PTGER3: variants seen among roughly 807,000 people sequenced by gnomAD.
PTGER3 encodes the protein prostaglandin E receptor 3, also known as prostaglandin E2 receptor EP3 subtype.
Under a neutral mutation model 34.7 loss-of-function variants are expected in PTGER3, and 22 were observed. That is an observed-to-expected ratio of 0.63 (90% CI 0.45 to 0.91). The LOEUF (loss-of-function observed/expected upper bound fraction) is 0.91, where lower values mean the gene tolerates loss of function less well. Among genes scored for constraint, PTGER3 ranks in the 40% least tolerant of loss-of-function variants. The pLI, the probability that PTGER3 is intolerant of heterozygous loss-of-function variation, is 0.00. For synonymous variants in PTGER3, 241 were observed against 230.1 expected (o/e 1.05, Z -0.43); for missense variants, 468 against 519.4 (o/e 0.90, Z 0.96).
At chr1:70,876,069 G>A (rs1206580252) in intron 4 of PTGER3, among the ~76,000 whole-genome samples, 6 of 152,078 alleles carry the variant, frequency 3.9e-5, no homozygotes, top group African/African-American at 9.7e-5. Context: ...GTGTATAAAC[G>A]TTTCCTTTTC....
At chr1:70,886,409 G>A (rs750498624) in intron 4 of PTGER3, 2 of 355,234 alleles carry the variant, frequency 5.6e-6, no homozygotes, top group Non-Finnish European at 1.2e-5. Flanking sequence ...CCAAAACAGG[G>A]ATACAATACC....
intron 4 of PTGER3, among the ~76,000 whole-genome samples, chr1:70,891,441 A>T (rs1019320364): frequency 2.6e-5 from 4 of 151,492 alleles, no homozygotes; most frequent in African/African-American, 7.3e-5. Context: ...AAGGCTCAAC[A>T]CTCCTAGCAC....
intron 3 of PTGER3, chr1:70,953,201 A>T: frequency 4.2e-6 from 3 of 718,586 alleles, no homozygotes; most frequent in Non-Finnish European, 6.1e-6. Context: ...TAAATAATCC[A>T]GAGATTATTT....
chr1:70,970,870 A>G lies in PTGER3; in HGVS notation c.*860T>C, dbSNP rs1653009033. 1 of 962,442 alleles carries G rather than the reference A, an allele frequency of 1.0e-6. No homozygotes were observed. Among genetic ancestry groups the G allele is most frequent in the Non-Finnish European group, 1.2e-6 (1 of 809,118 alleles). 59.6% of individuals were successfully genotyped at this position (962,442 alleles called of 1,614,324 possible). On this transcript the variant is annotated 3_prime_UTR_variant, in exon 4 of 4. Coordinates refer to ENST00000306666, the MANE Select transcript of PTGER3 (RefSeq NM_198719.2). ...AAAACGTAATAAAGTTTGTTATTCA[A>G]CAACTGTTATTTATTAATTTTGCCT...
exon 5 of PTGER3, chr1:70,852,722 G>T: frequency 7.9e-7 from 1 of 1,260,428 alleles, no homozygotes. Flanking sequence ...GGGTGGGCTT[G>T]GGGGAAGAAG....
chr1:70,926,633 C>T (rs1348475596), intron 4 of PTGER3, among the ~76,000 whole-genome samples: 2 of 152,208 alleles, frequency 1.3e-5, no homozygotes, highest in Non-Finnish European at 2.9e-5. Flanking sequence ...CAAACAGGGA[C>T]AATTTGACTT....
chr1:70,971,905 T>C (rs1653125273), intron 3 of PTGER3, among the ~76,000 whole-genome samples, 172 bp from the exon 4 acceptor site: 1 of 152,206 alleles, frequency 6.6e-6, no homozygotes, highest in Non-Finnish European at 1.5e-5. Flanking sequence ...AAAGCAATTG[T>C]AGGCACAATA....
chr1:71,024,459 G>A (rs1022529), intron 1 of PTGER3, among the ~76,000 whole-genome samples: 56,818 of 151,864 alleles, frequency 0.37, 11,542 homozygotes, highest in South Asian at 0.47. Flanking sequence ...ACAAGAGTAG[G>A]GATCAATTCT....
At chr1:71,010,751 A>G (rs1302623647) in intron 2 of PTGER3, 1 of 985,098 alleles carries the variant, frequency 1.0e-6, no homozygotes, top group African/African-American at 1.7e-5. Context: ...TTAATTACAT[A>G]AGCACTCTCA....
At chr1:70,965,022 T>C (rs1652365030) in intron 2 of PTGER3, among the ~76,000 whole-genome samples, 1 of 152,158 alleles carries the variant, frequency 6.6e-6, no homozygotes, top group Admixed American at 6.5e-5. Flanking sequence ...GTGGTACTTC[T>C]GTTGAAATAT....
chr1:70,996,296 C>T (rs1655933884), intron 2 of PTGER3, among the ~76,000 whole-genome samples: 1 of 151,064 alleles, frequency 6.6e-6, no homozygotes, highest in Non-Finnish European at 1.5e-5. Context: ...GCTTGACTTA[C>T]CTAAAAAAAA....
In PTGER3 at chr1:70,868,639, G is replaced by A. The variant is rs1024952713; in HGVS notation, c.*24-15780C>T. On this transcript the variant is annotated intron_variant, in intron 4 of 4. Coordinates refer to the PTGER3 transcript ENST00000370931. ...CTGTCTGAGTGAAACGAAACTCTTC[G>A]TAGGAAGGATCTAGAAAATCATGAA... is the stretch of plus-strand genomic sequence containing the variant. Among the ~76,000 whole-genome samples, 11 of 152,100 alleles carry A rather than the reference G, an allele frequency of 7.2e-5. No individual in the cohort carries two copies. In the East Asian group the frequency reaches 9.6e-4, roughly 13 times the overall value.
intron 4 of PTGER3, among the ~76,000 whole-genome samples, chr1:70,925,825 T>C (rs1287614380): frequency 6.6e-6 from 1 of 152,168 alleles, no homozygotes; most frequent in Non-Finnish European, 1.5e-5. Context: ...TTCTAGGATG[T>C]AAGTCGGTAG....
At chr1:70,857,897 A>G (rs1457602813) in intron 4 of PTGER3, among the ~76,000 whole-genome samples, 1 of 152,220 alleles carries the variant, frequency 6.6e-6, no homozygotes, top group African/African-American at 2.4e-5. Flanking sequence ...TAGTAGTAGA[A>G]ACATACTCAT....
chr1:70,889,485 G>A (rs1450604476), intron 4 of PTGER3, among the ~76,000 whole-genome samples: 1 of 150,230 alleles, frequency 6.7e-6, no homozygotes, highest in Non-Finnish European at 1.5e-5. Flanking sequence ...TTATGTTAAT[G>A]ATAAATATAA....
chr1:71,012,531 A>G lies in PTGER3; in HGVS notation c.898-47T>C, dbSNP rs13306019. On this transcript the variant is annotated intron_variant, in intron 1 of 3. Coordinates refer to ENST00000306666, the MANE Select transcript of PTGER3 (RefSeq NM_198719.2). ...TTGTTTCAAAGATTAGTAAGGTCAT[A>G]TGCATCTCCTCTACACTGTACTTTG... 9.5e-4 allele frequency: 1,444 copies of G among 1,514,804 alleles called. 18 individuals carry two copies. The East Asian group carries it at 0.023, about 24-fold the overall frequency. 93.8% of individuals were successfully genotyped at this position (1,514,804 alleles called of 1,614,324 possible). A position where few individuals can be genotyped will look rare whatever the true frequency, so the allele number is the denominator to read the frequency against.
intron 2 of PTGER3, among the ~76,000 whole-genome samples, chr1:70,957,547 T>G (rs556944185): frequency 1.1e-4 from 17 of 152,336 alleles, no homozygotes; most frequent in Admixed American, 2.0e-4. Flanking sequence ...ATTTTCTTCC[T>G]TTTTAAAATT....
chr1:71,029,502 A>G (rs1659216494), intron 1 of PTGER3, among the ~76,000 whole-genome samples: 1 of 152,246 alleles, frequency 6.6e-6, no homozygotes, highest in African/African-American at 2.4e-5. Context: ...GTGAAATGCA[A>G]TGTGCATAAA....
intron 4 of PTGER3, among the ~76,000 whole-genome samples, chr1:70,853,240 C>T (rs978532229): frequency 3.3e-5 from 5 of 152,180 alleles, no homozygotes; most frequent in African/African-American, 9.7e-5. Context: ...GACATAAAAA[C>T]ATTATGGTTC....
Sources: gnomAD v4.1 joint callset for allele counts (sites outside exome capture counted in the v4.1 genomes callset) on GRCh38, gnomAD v4.1.1 for gene constraint, MANE v1.5 for transcripts, NCBI Gene and HGNC (gene_info 2026-07-23, HGNC 2026-07-21) for gene names.